RNF220: variants seen among roughly 807,000 people sequenced by gnomAD.
RNF220 encodes ring finger protein 220, also known as E3 ubiquitin-protein ligase RNF220.
A neutral mutation model predicts 67.1 loss-of-function variants in RNF220; 7 were observed. The ratio of observed to expected loss-of-function variants is 0.10; its 90% CI spans 0.06 to 0.20. The LOEUF is 0.20. Among genes scored for constraint, RNF220 ranks in the 10% least tolerant of loss-of-function variants. The probability of loss-of-function intolerance (pLI) is 1.00; values close to 1 mark genes in which losing one functional copy is unlikely to be tolerated. For synonymous variants in RNF220, 270 were observed against 283.2 expected (o/e 0.95, Z 0.47); for missense variants, 565 against 740.3 (o/e 0.76, Z 2.75).
At chr1:44,440,452 T>C (rs1470483596) in intron 2 of RNF220, among the ~76,000 whole-genome samples, 1 of 152,240 alleles carries the variant, frequency 6.6e-6, no homozygotes, top group Non-Finnish European at 1.5e-5. Flanking sequence ...TTGGGGCTAA[T>C]GTTCCTAGCC....
In RNF220 at chr1:44,405,464, A is replaced by C; in HGVS notation, c.-184A>C. ...GAACCCGGGACTTTTCATGCACCAC[A>C]CTCTCCGCCTGCTTCCCTCCGTGTC... On this transcript the variant is annotated 5_prime_UTR_variant, in exon 1 of 15. Coordinates refer to ENST00000361799, the MANE Select transcript of RNF220 (RefSeq NM_018150.4). 1.8e-6 allele frequency: 1 copy of C among 557,008 alleles called. No individual in the cohort carries two copies. The highest frequency in any genetic ancestry group is 3.2e-6 in the Non-Finnish European group (1 of 314,258). 34.5% of individuals were successfully genotyped at this position (557,008 alleles called of 1,614,324 possible).
intron 2 of RNF220, among the ~76,000 whole-genome samples, chr1:44,534,100 G>T (rs1454210517): frequency 6.6e-6 from 1 of 152,118 alleles, no homozygotes; most frequent in Admixed American, 6.5e-5. Context: ...TTAGCCAACT[G>T]AGTAGCTGGG....
chr1:44,579,708 C>A (rs938613526), intron 2 of RNF220, among the ~76,000 whole-genome samples: 11 of 152,116 alleles, frequency 7.2e-5, no homozygotes, highest in Admixed American at 2.6e-4. Context: ...TTAAGTAAGT[C>A]CCCACTGAGG....
In RNF220 at chr1:44,511,027, G is replaced by A. The variant is rs529912728; in HGVS notation, c.625+98305G>A. ...CACTCTCGCAGTGGGGGGATGACGG[G>A]GAGTGATGTTTGAGGACCTTTTGGT... On this transcript the variant is annotated intron_variant, in intron 2 of 14. Transcript: ENST00000361799. Among the ~76,000 whole-genome samples the A allele has an allele frequency of 2.0e-3, 310 of 152,304 alleles. 9 individuals carry two copies. The South Asian group carries it at 0.055, about 27-fold the overall frequency.
chr1:44,560,225 C>T (rs1307830604), intron 2 of RNF220, among the ~76,000 whole-genome samples: 1 of 152,164 alleles, frequency 6.6e-6, no homozygotes, highest in African/African-American at 2.4e-5. Context: ...TATTGATAAG[C>T]TCTAGATGGT....
intron 2 of RNF220, among the ~76,000 whole-genome samples, chr1:44,520,660 G>T (rs1272449166): frequency 6.6e-6 from 1 of 152,322 alleles, no homozygotes; most frequent in East Asian, 1.9e-4. Context: ...CCCCCAGACA[G>T]ATTGAACAGT....
At position 44,650,838 on chromosome 1, in the gene RNF220, T is replaced by C; in HGVS notation, c.*63T>C. The C allele has an allele frequency of 6.8e-7, 1 of 1,470,106 alleles. No individual in the cohort carries two copies. The highest frequency in any genetic ancestry group is 2.3e-5 in the East Asian group (1 of 44,258). The allele number at this position is 1,470,106 out of a possible 1,614,324, so 91.1% of individuals were successfully genotyped here. On this transcript the variant is annotated 3_prime_UTR_variant, in exon 15 of 15. Transcript: ENST00000361799. The surrounding 1 kb of genome is among the most constrained non-coding windows in gnomAD (Gnocchi z 4.3). ...CACCTGCCCCCAGCCTCTGTGACAG[T>C]GACCGTCTCCCTTTGTACATACTTG...
At chr1:44,419,694 C>T (rs1648997963) in intron 2 of RNF220, 2 of 152,126 alleles carry the variant, frequency 1.3e-5, no homozygotes, top group South Asian at 4.1e-4. Flanking sequence ...TGTATGCTAT[C>T]CCAAAGGCGT....
intron 1 of RNF220, among the ~76,000 whole-genome samples, chr1:44,406,782 A>C (rs1366414151): frequency 6.6e-6 from 1 of 152,006 alleles, no homozygotes; most frequent in Non-Finnish European, 1.5e-5. Context: ...AGGGCACAAC[A>C]AACTTGGGCG....
At chr1:44,539,251 T>C (rs2148216429) in intron 2 of RNF220, among the ~76,000 whole-genome samples, 1 of 152,084 alleles carries the variant, frequency 6.6e-6, no homozygotes, top group South Asian at 2.1e-4. Flanking sequence ...TAAAGTTCTA[T>C]TCCTATGGTT....
At chr1:44,570,872 G>A (rs376353329) in intron 2 of RNF220, among the ~76,000 whole-genome samples, 2 of 152,054 alleles carry the variant, frequency 1.3e-5, no homozygotes, top group Admixed American at 6.6e-5. Flanking sequence ...CCAGGAGTTC[G>A]AGACCAGCCT....
Position 44,433,663 on chromosome 1 carries a change from G to A in RNF220, c.625+20941G>A, listed in dbSNP as rs1388398916. ...GCCCAGTAAATAGTTTACTAAATTT[G>A]AACATCTTTAAAAATAAAACATAAT... is the stretch of plus-strand genomic sequence containing the variant. On this transcript the variant is annotated intron_variant, in intron 2 of 14. Coordinates refer to ENST00000361799, the MANE Select transcript of RNF220 (RefSeq NM_018150.4). Among the ~76,000 whole-genome samples the A allele has an allele frequency of 3.9e-5, 6 of 152,258 alleles. No individual in the cohort carries two copies. The East Asian group carries it at 9.6e-4, about 24-fold the overall frequency.
At chr1:44,609,154 T>C (rs1331921210) in intron 2 of RNF220, among the ~76,000 whole-genome samples, 1 of 152,002 alleles carries the variant, frequency 6.6e-6, no homozygotes, top group East Asian at 1.9e-4. Context: ...ATTGCAGGGG[T>C]TGGGGTAGGA....
intron 1 of RNF220, among the ~76,000 whole-genome samples, chr1:44,410,114 T>G (rs534599819): frequency 6.6e-6 from 1 of 151,948 alleles, no homozygotes; most frequent in South Asian, 2.1e-4. Context: ...AATGAGGTGA[T>G]CTAGGAAGTA....
At chr1:44,432,750 C>T (rs976439369) in intron 2 of RNF220, among the ~76,000 whole-genome samples, 1 of 152,084 alleles carries the variant, frequency 6.6e-6, no homozygotes, top group South Asian at 2.1e-4. Flanking sequence ...CTCTGGTCTG[C>T]TTTTTAATAT....
chr1:44,582,756 CAA>C (rs1052505002), intron 2 of RNF220, among the ~76,000 whole-genome samples: 19 of 68,540 alleles, frequency 2.8e-4, no homozygotes, highest in Admixed American at 3.9e-4. Context: ...GACTACATCT[CAA>C]AAAAAAAAAA....
intron 6 of RNF220, chr1:44,635,231 C>G (rs74793076): frequency 0.25 from 79,335 of 313,146 alleles, 12,577 homozygotes; most frequent in Middle Eastern, 0.35. Context: ...TACCTAGCAA[C>G]ATGGAGTGTC....
In RNF220 at chr1:44,449,950, G is replaced by A. The variant is rs190268732; in HGVS notation, c.625+37228G>A. Among the ~76,000 whole-genome samples the A allele has an allele frequency of 3.7e-3, 559 of 152,292 alleles. 2 individuals are homozygous for A. The highest frequency in any genetic ancestry group is 0.012 in the African/African-American group (515 of 41,562). ...TTCTGAGCTGGGCGCAGTGGCTCAC[G>A]CCTGTAATCCCAGCACTTTGGGAGG... On this transcript the variant is annotated intron_variant, in intron 2 of 14. Coordinates refer to ENST00000361799, the MANE Select transcript of RNF220 (RefSeq NM_018150.4).
intron 2 of RNF220, among the ~76,000 whole-genome samples, chr1:44,605,648 A>G (rs557198795): frequency 6.6e-6 from 1 of 152,322 alleles, no homozygotes; most frequent in South Asian, 2.1e-4. Context: ...GCTGTGATAG[A>G]AGTAGCACAA....
Sources: allele counts gnomAD v4.1 joint callset (sites outside exome capture counted in the v4.1 genomes callset), GRCh38; gene constraint gnomAD v4.1.1; non-coding constraint Gnocchi (gnomAD v3.1); transcripts MANE v1.5; gene names NCBI Gene and HGNC (gene_info 2026-07-23, HGNC 2026-07-21).